Variants in NHS observed in about 807,000 individuals in gnomAD.
The protein encoded by NHS is NHS actin remodeling regulator, also known as actin remodeling regulator NHS.
Under a neutral mutation model 72.5 loss-of-function variants are expected in NHS, and 5 were observed. The observed-to-expected ratio is 0.07, with a 90% confidence interval of 0.04 to 0.14. The LOEUF (loss-of-function observed/expected upper bound fraction) is 0.14. NHS is among the 10% of genes least tolerant of loss of function. The pLI is 1.00. For missense variants in NHS, 1,072 were observed against 1,355.7 expected, an observed-to-expected ratio of 0.79 and a Z score of 3.29; for synonymous variants, 464 against 547.7, an observed-to-expected ratio of 0.85 and a Z score of 2.13.
intron 1 of NHS, among the ~76,000 whole-genome samples, chrX:17,608,335 G>A (rs962726110): frequency 1.8e-5 from 2 of 111,961 alleles, no homozygotes; most frequent in Admixed American, 9.5e-5. Context: ...AACATGGGCC[G>A]CAAAACTCCA....
Position 17,527,337 on chromosome X carries a change from A to G in NHS, c.565+151015A>G, listed in dbSNP as rs2065177950. Among the ~76,000 whole-genome samples the G allele has an allele frequency of 5.3e-5, 6 of 113,317 alleles. No individual in the cohort carries two copies. The South Asian group carries it at 2.1e-3, about 40-fold the overall frequency. On this transcript the variant is annotated intron_variant, in intron 1 of 8. Transcript: ENST00000676302. The stretch of plus-strand genomic sequence containing the variant: ...TTTGGCTGACTTGGGCTCCCAAGTG[A>G]AAAAGGCAGAGAGGGCCCTGCCAGC...
Position 17,727,685 on chromosome X carries a change from C to G in NHS, c.3579C>G (p.Tyr1193Ter), listed in dbSNP as rs1367069811. The change falls in exon 7 of 9, where the codon TAC (tyrosine) becomes TAG (stop). Residue 1193 changes from tyrosine (Y) to a stop codon, truncating the protein, a stop_gained. Coordinates refer to ENST00000676302, the MANE Select transcript of NHS (RefSeq NM_001291867.2). LOFTEE classifies it high-confidence loss of function. ...CAAATAAATCAGTATCTCGTCAATA[C>G]TCCACTGAAGACACCATACTGTCCT... ...HTANKSVSRQ[Y>*]STEDTILSFL... The G allele has an allele frequency of 8.3e-7, 1 of 1,210,034 alleles. No individual in the cohort carries two copies. The highest frequency in any genetic ancestry group is 1.1e-6 in the Non-Finnish European group (1 of 895,009).
chrX:17,687,535 T>C, intron 1 of NHS: 1 of 482,934 alleles, frequency 2.1e-6, no homozygotes, highest in Non-Finnish European at 3.7e-6. Context: ...GAGCCTCCCG[T>C]GCCTCGGCTC....
chrX:17,510,408 G>T (rs1272291640), intron 1 of NHS, among the ~76,000 whole-genome samples: 1 of 112,106 alleles, frequency 8.9e-6, no homozygotes, highest in Non-Finnish European at 1.9e-5. Flanking sequence ...TGAATTTACT[G>T]GTCTGCAGAT....
At chrX:17,509,217 T>G (rs1459205970) in intron 1 of NHS, among the ~76,000 whole-genome samples, 1 of 107,405 alleles carries the variant, frequency 9.3e-6, no homozygotes, top group African/African-American at 3.4e-5. Flanking sequence ...ATTTATTTAT[T>G]TATTTATTTA....
intron 1 of NHS, among the ~76,000 whole-genome samples, chrX:17,529,224 G>A (rs1199429819): frequency 1.8e-5 from 2 of 111,574 alleles, no homozygotes; most frequent in Admixed American, 1.9e-4. Flanking sequence ...TGCTCATTGA[G>A]TTATTTAATT....
intron 1 of NHS, among the ~76,000 whole-genome samples, chrX:17,582,933 G>A (rs2065552010): frequency 8.9e-6 from 1 of 112,554 alleles, no homozygotes; most frequent in Non-Finnish European, 1.9e-5. Flanking sequence ...AGTTAACTGG[G>A]TCAGGATGGT....
At chrX:17,481,470 T>C (rs751177213) in intron 1 of NHS, among the ~76,000 whole-genome samples, 8 of 111,852 alleles carry the variant, frequency 7.2e-5, no homozygotes, top group Non-Finnish European at 1.3e-4. Context: ...TTAATTTCTC[T>C]TTTGTGTATT....
intron 1 of NHS, among the ~76,000 whole-genome samples, chrX:17,503,914 C>T (rs2065045945): frequency 1.8e-5 from 2 of 111,403 alleles, no homozygotes; most frequent in African/African-American, 6.5e-5. Context: ...GAATTGACTT[C>T]CCAAAGCACA....
At chrX:17,416,819 T>TGTGTGTGTGTGAGAGA (rs1445369548) in intron 1 of NHS, among the ~76,000 whole-genome samples, 2 of 98,194 alleles carry the variant, frequency 2.0e-5, no homozygotes, top group African/African-American at 7.9e-5. Context: ...TGTGTGTGTG[T>TGTGTGTGTGTGAGAGA]GAGAGAGAGA....
At chrX:17,562,042 G>A (rs913440839) in intron 1 of NHS, among the ~76,000 whole-genome samples, 3 of 110,948 alleles carry the variant, frequency 2.7e-5, no homozygotes, top group African/African-American at 9.9e-5. Context: ...GTATGTGTGT[G>A]TACTGTAGAA....
chrX:17,574,917 A>T (rs1324714847), intron 1 of NHS, among the ~76,000 whole-genome samples: 1 of 112,264 alleles, frequency 8.9e-6, no homozygotes, highest in Non-Finnish European at 1.9e-5. Context: ...ACTGAGGCAC[A>T]GAATGGCTCC....
chrX:17,572,838 A>G (rs2065488956), intron 1 of NHS, among the ~76,000 whole-genome samples: 1 of 111,507 alleles, frequency 9.0e-6, no homozygotes. Flanking sequence ...TTCCATGTTT[A>G]GTGCTTCCTT....
chrX:17,604,743 A>G (rs1374417632), intron 1 of NHS, among the ~76,000 whole-genome samples: 1 of 112,406 alleles, frequency 8.9e-6, no homozygotes, highest in African/African-American at 3.2e-5. Context: ...GCATGAATGA[A>G]TGCTTCCTCT....
intron 1 of NHS, among the ~76,000 whole-genome samples, chrX:17,539,546 G>C (rs2065252339): frequency 1.8e-5 from 2 of 109,731 alleles, no homozygotes; most frequent in South Asian, 4.0e-4. Flanking sequence ...GTGGCAATTA[G>C]AACATGTTTT....
At position 17,719,330 on chromosome X, in the gene NHS, T is replaced by C; in HGVS notation, c.853-14T>C. On this transcript the variant is annotated splice_polypyrimidine_tract_variant and intron_variant, in intron 3 of 8. Coordinates refer to ENST00000676302, the MANE Select transcript of NHS (RefSeq NM_001291867.2). ...GTTTTTAATTTTTTCTTTTTTTGCA[T>C]TTCATGTTCATAGTTTAACAGCACC... 1.7e-6 allele frequency: 2 copies of C among 1,165,790 alleles called. No homozygotes were observed. Among genetic ancestry groups the C allele is most frequent in the Non-Finnish European group, 2.3e-6 (2 of 871,571 alleles).
intron 1 of NHS, among the ~76,000 whole-genome samples, chrX:17,523,508 C>A (rs2065159469): frequency 8.9e-6 from 1 of 111,871 alleles, no homozygotes. Context: ...GATGAGGAAA[C>A]CGAGGCATAG....
chrX:17,541,421 A>G lies in NHS; in HGVS notation c.566-146321A>G, dbSNP rs887743285. 2.7e-5 allele frequency among the ~76,000 whole-genome samples: 3 copies of G among 111,862 alleles called. No individual in the cohort carries two copies. In the Admixed American group the frequency reaches 2.8e-4, roughly 11 times the overall value. ...GGTATTTGTCTTCCTTCTACCTCAC[A>G]GGGTGATTGTGAAGGTGAACAGCTT... On this transcript the variant is annotated intron_variant, in intron 1 of 8. Transcript: ENST00000676302.
rs149244552 is a variant in NHS at position 17,726,937 on chromosome X, A to T, written c.2831A>T (p.His944Leu). The change falls in exon 7 of 9, where the codon CAC becomes CTC. Residue 944 changes from histidine to leucine, a missense_variant. By Grantham distance (99) the His-to-Leu change is moderately conservative. Coordinates refer to ENST00000676302, the MANE Select transcript of NHS (RefSeq NM_001291867.2). ...PFKDEVAEST[H>L]YADLWLLNDL... Reference sequence around the variant, plus strand: ...AAAGATGAAGTTGCCGAATCCACACACTATGCAGACCTCTGGCTCCTAAAT... The same window carrying T: ...AAAGATGAAGTTGCCGAATCCACACTCTATGCAGACCTCTGGCTCCTAAAT... 2.4e-3 allele frequency: 2,876 copies of T among 1,210,476 alleles called. 58 individuals are homozygous for T. In the Admixed American group the frequency reaches 0.051, roughly 21 times the overall value.
Sources: gnomAD v4.1 joint callset for allele counts (sites outside exome capture counted in the v4.1 genomes callset) on GRCh38, gnomAD v4.1.1 for gene constraint, MANE v1.5 for transcripts, NCBI Gene and HGNC (gene_info 2026-07-23, HGNC 2026-07-21) for gene names.